Variants in RAD51B observed in about 807,000 individuals in gnomAD.
The protein encoded by RAD51B is DNA repair protein RAD51 homolog 2.
RAD51B carries 38 observed loss-of-function variants against 42.2 expected under a neutral mutation model. The ratio of observed to expected loss-of-function variants is 0.90; its 90% confidence interval spans 0.70 to 1.18. The LOEUF (loss-of-function observed/expected upper bound fraction) is 1.18, where lower values mean the gene tolerates loss of function less well. Ranked by LOEUF, RAD51B falls within the 50% of genes most tolerant of loss-of-function variation. The pLI is 0.00. For synonymous variants in RAD51B, 154 were observed against 145.2 expected (o/e 1.06, Z -0.43); for missense variants, 373 against 400.7 (o/e 0.93, Z 0.59).
intron 7 of RAD51B, among the ~76,000 whole-genome samples, chr14:68,280,518 C>T (rs1188162790): frequency 3.9e-5 from 6 of 152,124 alleles, no homozygotes; most frequent in Admixed American, 3.3e-4. Context: ...AGGATGATAA[C>T]GTTTACCTCA....
chr14:68,655,661 G>T (rs1276094539), intron 11 of RAD51B, among the ~76,000 whole-genome samples: 2 of 152,188 alleles, frequency 1.3e-5, no homozygotes, highest in Non-Finnish European at 2.9e-5. Context: ...GCCTGCCAGG[G>T]ACGCCCACCC....
chr14:68,242,289 G>A (rs1003348070), intron 7 of RAD51B, among the ~76,000 whole-genome samples: 4 of 152,176 alleles, frequency 2.6e-5, no homozygotes, highest in Non-Finnish European at 4.4e-5. Flanking sequence ...GTCCTACCCA[G>A]GGAGTGGTTG....
chr14:68,268,746 A>C (rs1299010752), intron 7 of RAD51B, among the ~76,000 whole-genome samples: 2 of 152,216 alleles, frequency 1.3e-5, no homozygotes, highest in Non-Finnish European at 2.9e-5. Context: ...GGCACAGAGC[A>C]TCTTTAATTT....
At chr14:68,667,833 T>A (rs17106119) in intron 11 of RAD51B, among the ~76,000 whole-genome samples, 1,899 of 152,328 alleles carry the variant, frequency 0.012, 49 homozygotes, top group African/African-American at 0.044. Context: ...CCAGCTACCA[T>A]GCCAGAAAAA....
At chr14:68,145,748 G>A (rs2078234683) in intron 7 of RAD51B, among the ~76,000 whole-genome samples, 1 of 152,116 alleles carries the variant, frequency 6.6e-6, no homozygotes, top group Non-Finnish European at 1.5e-5. Context: ...GCTTTCCTCT[G>A]TACTTAGCTG....
At chr14:68,411,619 T>G (rs1030110502) in intron 9 of RAD51B, 92 bp downstream of exon 9, 23 of 1,199,158 alleles carry the variant, frequency 1.9e-5, no homozygotes, top group Non-Finnish European at 2.8e-5. Context: ...CTGGCCGCAT[T>G]GTCTGTCCTG....
chr14:67,847,096 A>G (rs8015609), intron 4 of RAD51B, among the ~76,000 whole-genome samples: 5,625 of 152,142 alleles, frequency 0.037, 308 homozygotes, highest in African/African-American at 0.12. Flanking sequence ...TGATAGCCCA[A>G]TGCAGGGTTC....
At chr14:68,220,186 G>A (rs1165181290) in intron 7 of RAD51B, among the ~76,000 whole-genome samples, 1 of 152,166 alleles carries the variant, frequency 6.6e-6, no homozygotes, top group Non-Finnish European at 1.5e-5. Context: ...TTGGTACTAT[G>A]CTAAGCATCC....
intron 10 of RAD51B, among the ~76,000 whole-genome samples, chr14:68,535,682 G>A (rs1887574355): frequency 6.6e-6 from 1 of 152,154 alleles, no homozygotes; most frequent in African/African-American, 2.4e-5. Flanking sequence ...ATACTATGAA[G>A]TGGAAAAGTA....
intron 7 of RAD51B, among the ~76,000 whole-genome samples, chr14:68,070,882 A>G (rs991473048): frequency 2.6e-5 from 4 of 151,860 alleles, no homozygotes; most frequent in Admixed American, 2.0e-4. Context: ...CAATATGGCC[A>G]TTTTAACAAT....
chr14:68,557,715 G>A (rs1170960323), intron 10 of RAD51B, among the ~76,000 whole-genome samples: 1 of 152,174 alleles, frequency 6.6e-6, no homozygotes, highest in African/African-American at 2.4e-5. Context: ...AACTCCAGTG[G>A]CCTCGAAAAT....
intron 7 of RAD51B, among the ~76,000 whole-genome samples, chr14:68,160,561 A>C (rs1176250186): frequency 1.3e-5 from 2 of 152,220 alleles, no homozygotes; most frequent in African/African-American, 4.8e-5. Context: ...TTTATTTAAA[A>C]TTCTGATATT....
chr14:68,343,203 A>G (rs1284518798), intron 8 of RAD51B, among the ~76,000 whole-genome samples: 5 of 152,216 alleles, frequency 3.3e-5, no homozygotes, highest in African/African-American at 1.2e-4. Flanking sequence ...ATTATTCACT[A>G]TACTCGCCAC....
chr14:68,088,829 G>A (rs1360331330), intron 7 of RAD51B, among the ~76,000 whole-genome samples: 2 of 152,130 alleles, frequency 1.3e-5, no homozygotes, highest in Non-Finnish European at 2.9e-5. Flanking sequence ...GGAGGTTGGG[G>A]TAGAGGAGAA....
At chr14:68,353,614 G>A (rs993915315) in intron 8 of RAD51B, among the ~76,000 whole-genome samples, 3 of 152,220 alleles carry the variant, frequency 2.0e-5, no homozygotes, top group African/African-American at 7.2e-5. Flanking sequence ...AGGTGCATTT[G>A]CAGGCACTGT....
exon 11 of RAD51B, chr14:68,611,025 A>G (rs1312416499): frequency 1.4e-6 from 1 of 703,122 alleles, no homozygotes; most frequent in East Asian, 2.7e-5. Flanking sequence ...CTGTGGCCAG[A>G]GTCAGCCCCA....
intron 7 of RAD51B, among the ~76,000 whole-genome samples, chr14:68,161,739 A>C (rs1183039433): frequency 3.3e-5 from 5 of 152,228 alleles, no homozygotes; most frequent in Non-Finnish European, 5.9e-5. Context: ...ACTTTGACCC[A>C]AATCTGCCTA....
chr14:68,226,387 T>C (rs1474921393), intron 7 of RAD51B, among the ~76,000 whole-genome samples: 1 of 152,226 alleles, frequency 6.6e-6, no homozygotes, highest in African/African-American at 2.4e-5. Flanking sequence ...TCATCTGATA[T>C]AGTTTGATTG....
At chr14:68,013,688 T>C (rs2075726638) in intron 7 of RAD51B, among the ~76,000 whole-genome samples, 1 of 152,128 alleles carries the variant, frequency 6.6e-6, no homozygotes, top group South Asian at 2.1e-4. Flanking sequence ...AATAATTTAC[T>C]ATGATTTTAA....
Sources: allele counts gnomAD v4.1 joint callset (sites outside exome capture counted in the v4.1 genomes callset), GRCh38; gene constraint gnomAD v4.1.1; transcripts MANE v1.5; gene names NCBI Gene and HGNC (gene_info 2026-07-23, HGNC 2026-07-21).